The following OR1J2 variants were observed in gnomAD, a reference collection of about 807,000 sequenced individuals.
The protein encoded by OR1J2 is olfactory receptor 1J2.
For synonymous variants in OR1J2, 142 were observed against 99.7 expected (o/e 1.42, Z -2.52); for missense variants, 304 against 246.1 (o/e 1.24, Z -1.57).
chr9:122,557,956 A>C, the OR1J2 span, among the ~76,000 whole-genome samples: 1 of 151,954 alleles, frequency 6.6e-6, no homozygotes, highest in Non-Finnish European at 1.5e-5. Flanking sequence ...CTTTCCAAGA[A>C]TTGGTCCATT....
chr9:122,457,534 CA>C, the OR1J2 span, among the ~76,000 whole-genome samples: 115 of 136,494 alleles, frequency 8.4e-4, no homozygotes, highest in Admixed American at 1.3e-3. Flanking sequence ...ACGAGGTGTG[CA>C]AAAAAAAAAA....
chr9:122,579,392 C>G, the OR1J2 span, among the ~76,000 whole-genome samples: 4 of 151,696 alleles, frequency 2.6e-5, no homozygotes, highest in Non-Finnish European at 5.9e-5. Context: ...AATACCTATC[C>G]CTTGTCTGGA....
the OR1J2 span, among the ~76,000 whole-genome samples, chr9:122,535,403 G>C: frequency 2.0e-5 from 3 of 152,150 alleles, no homozygotes; most frequent in African/African-American, 7.2e-5. Context: ...CCAAGGGAAG[G>C]CTGCCTTCCC....
chr9:122,497,698 T>C, the OR1J2 span, among the ~76,000 whole-genome samples: 33 of 152,314 alleles, frequency 2.2e-4, no homozygotes, highest in Non-Finnish European at 4.0e-4. Flanking sequence ...ATTTGTTTTC[T>C]TCTGCCATCT....
At chr9:122,475,279 C>G in the OR1J2 span, 3 of 152,164 alleles carry the variant, frequency 2.0e-5, no homozygotes, top group Admixed American at 6.5e-5. Flanking sequence ...ACTGGGATCC[C>G]CAGTTATTTT....
At chr9:122,488,326 A>G in the OR1J2 span, among the ~76,000 whole-genome samples, 1 of 152,092 alleles carries the variant, frequency 6.6e-6, no homozygotes, top group East Asian at 1.9e-4. Context: ...TTTAGTAGAA[A>G]TGGGGTTTTG....
At chr9:122,503,160 C>A in the OR1J2 span, among the ~76,000 whole-genome samples, 1 of 152,086 alleles carries the variant, frequency 6.6e-6, no homozygotes, top group African/African-American at 2.4e-5. Flanking sequence ...GAGATGATGT[C>A]ATGTGGGATA....
the OR1J2 span, among the ~76,000 whole-genome samples, chr9:122,573,887 T>G: frequency 6.6e-6 from 1 of 152,234 alleles, no homozygotes; most frequent in African/African-American, 2.4e-5. Context: ...ATCTTATATT[T>G]AGGACTATGA....
At chr9:122,488,183 G>C in the OR1J2 span, among the ~76,000 whole-genome samples, 1 of 152,122 alleles carries the variant, frequency 6.6e-6, no homozygotes, top group African/African-American at 2.4e-5. Context: ...TGTTGCCCAG[G>C]CTGGAGTGCA....
At chr9:122,472,731 A>C in the OR1J2 span, among the ~76,000 whole-genome samples, 1 of 152,230 alleles carries the variant, frequency 6.6e-6, no homozygotes, top group East Asian at 1.9e-4. Context: ...CATAATCTGC[A>C]ATCAGGAGAT....
chr9:122,511,027 G>T lies in OR1J2; in HGVS notation c.226G>T (p.Val76Phe). Residue 76 changes from valine (V) to phenylalanine (F), a missense_variant, in exon 1 of 1, where the codon GTC (valine) becomes TTC (phenylalanine). By Grantham distance (50) the Val-to-Phe change is conservative. Coordinates refer to ENST00000335302, the MANE Select transcript of OR1J2 (RefSeq NM_054107.1). ...TCTCACTGACATCTCCTTTTCATCTGTCACTGTCCCTAAGATGCTGATGGA... is the reference window on the plus strand; with the variant it reads ...TCTCACTGACATCTCCTTTTCATCTTTCACTGTCCCTAAGATGCTGATGGA... ...LALTDISFSS[V>F]TVPKMLMDMR... 1 of 1,573,346 alleles carries T rather than the reference G, an allele frequency of 6.4e-7. No individual in the cohort carries two copies. The highest frequency in any genetic ancestry group is 8.7e-7 in the Non-Finnish European group (1 of 1,145,244).
the OR1J2 span, among the ~76,000 whole-genome samples, chr9:122,545,151 TG>T: frequency 6.6e-6 from 1 of 152,094 alleles, no homozygotes. Flanking sequence ...AATTTATTGG[TG>T]TTATTGATTT....
At chr9:122,533,262 T>C in the OR1J2 span, among the ~76,000 whole-genome samples, 1 of 152,070 alleles carries the variant, frequency 6.6e-6, no homozygotes, top group Non-Finnish European at 1.5e-5. Context: ...TCTTGTCTGG[T>C]TTTAGGACAG....
the OR1J2 span, among the ~76,000 whole-genome samples, chr9:122,465,066 C>T: frequency 6.6e-6 from 1 of 151,858 alleles, no homozygotes; most frequent in African/African-American, 2.4e-5. Flanking sequence ...ACGAGTTGGC[C>T]GTTTAAAAGC....
chr9:122,527,240 A>G, the OR1J2 span: 1 of 1,613,682 alleles, frequency 6.2e-7, no homozygotes, highest in Non-Finnish European at 8.5e-7. Context: ...GTTGCTCTGG[A>G]GGCGCTGATA....
the OR1J2 span, among the ~76,000 whole-genome samples, chr9:122,457,427 A>G: frequency 2.0e-4 from 30 of 152,322 alleles, no homozygotes; most frequent in African/African-American, 7.2e-4. Flanking sequence ...TACTACCGAC[A>G]ATGAGCAGCA....
the OR1J2 span, among the ~76,000 whole-genome samples, chr9:122,470,759 TG>T: frequency 3.3e-5 from 5 of 152,202 alleles, no homozygotes; most frequent in Non-Finnish European, 7.3e-5. Context: ...CCCAAGACTA[TG>T]GGAACCCACC....
chr9:122,474,862 A>G, the OR1J2 span, among the ~76,000 whole-genome samples: 1 of 152,198 alleles, frequency 6.6e-6, no homozygotes, highest in South Asian at 2.1e-4. Flanking sequence ...TGAACTGATG[A>G]CAACTTTAGC....
chr9:122,542,098 A>G, the OR1J2 span, among the ~76,000 whole-genome samples: 5 of 152,278 alleles, frequency 3.3e-5, no homozygotes, highest in Non-Finnish European at 7.4e-5. Flanking sequence ...GAACTCTTGT[A>G]TTTGGCTTCT....
Sources: gnomAD v4.1 joint callset for allele counts (sites outside exome capture counted in the v4.1 genomes callset) on GRCh38, gnomAD v4.1.1 for gene constraint, MANE v1.5 for transcripts, NCBI Gene and HGNC (gene_info 2026-07-23, HGNC 2026-07-21) for gene names.